Variants in ACSS3 observed in about 807,000 individuals in gnomAD.
ACSS3 encodes the protein acyl-CoA synthetase short chain family member 3.
A neutral mutation model predicts 84.2 loss-of-function variants in ACSS3; 64 were observed. That is an observed-to-expected ratio of 0.76 (90% CI 0.62 to 0.94). The LOEUF (loss-of-function observed/expected upper bound fraction) is 0.94. Ranked by LOEUF, ACSS3 falls within the 40% of genes least tolerant of loss-of-function variation. The pLI, the probability that ACSS3 is intolerant of heterozygous loss-of-function variation, is 0.00. For synonymous variants in ACSS3, 317 were observed against 310.1 expected, an observed-to-expected ratio of 1.02 and a Z score of -0.23; for missense variants, 815 against 867.6, an observed-to-expected ratio of 0.94 and a Z score of 0.76.
In ACSS3 at chr12:81,232,555, GCT is replaced by G. The variant is rs2033501566; in HGVS notation, c.1597-792_1597-791del. On this transcript the variant is annotated intron_variant, in intron 12 of 15. Transcript: ENST00000548058. Reference sequence around the variant, plus strand: ...ATTAATTGCAGTAAAATTATTGAGAGCTCAGGATGTGCCAGAGTCTGTCCTCT... The same window carrying G: ...ATTAATTGCAGTAAAATTATTGAGAGCAGGATGTGCCAGAGTCTGTCCTCT... Among the ~76,000 whole-genome samples the G allele has an allele frequency of 2.0e-5, 3 of 151,748 alleles. No homozygotes were observed. In the South Asian group the frequency reaches 6.2e-4, roughly 32 times the overall value.
intron 7 of ACSS3, among the ~76,000 whole-genome samples, chr12:81,164,831 C>T (rs564665801): frequency 1.1e-4 from 16 of 152,090 alleles, no homozygotes; most frequent in Admixed American, 2.0e-4. Flanking sequence ...TTTTCAAGGA[C>T]AGGGATTTGC....
At chr12:81,187,569 A>G (rs1223655161) in intron 8 of ACSS3, among the ~76,000 whole-genome samples, 1 of 151,872 alleles carries the variant, frequency 6.6e-6, no homozygotes, top group Non-Finnish European at 1.5e-5. Flanking sequence ...TCCAGCTCTC[A>G]TTATTACTAA....
At chr12:81,189,896 A>G (rs2031478396) in intron 8 of ACSS3, among the ~76,000 whole-genome samples, 2 of 152,042 alleles carry the variant, frequency 1.3e-5, no homozygotes, top group Admixed American at 6.6e-5. Flanking sequence ...TTCCTTATGT[A>G]TATCCATTTG....
chr12:81,102,359 C>G (rs1188724726), intron 1 of ACSS3, among the ~76,000 whole-genome samples: 1 of 152,122 alleles, frequency 6.6e-6, no homozygotes, highest in Non-Finnish European at 1.5e-5. Flanking sequence ...TATGGAGAAA[C>G]TCCTCCTATC....
At chr12:81,109,752 T>A in intron 2 of ACSS3, 48 bp downstream of exon 2, 1 of 1,393,104 alleles carries the variant, frequency 7.2e-7, no homozygotes, top group Non-Finnish European at 9.6e-7. Context: ...ATATAGAAAT[T>A]ACTTAAATAG....
chr12:81,116,332 A>G (rs972575501), intron 2 of ACSS3, among the ~76,000 whole-genome samples: 1 of 152,122 alleles, frequency 6.6e-6, no homozygotes, highest in Non-Finnish European at 1.5e-5. Context: ...TGATGAAACA[A>G]CAGTTTAGTA....
intron 8 of ACSS3, among the ~76,000 whole-genome samples, chr12:81,195,673 T>A (rs1342204381): frequency 1.3e-5 from 2 of 152,056 alleles, no homozygotes; most frequent in Non-Finnish European, 2.9e-5. Context: ...TTATCCCCCT[T>A]CCTTGTTCTC....
At chr12:81,245,501 G>A (rs2033955552) in intron 13 of ACSS3, among the ~76,000 whole-genome samples, 1 of 152,084 alleles carries the variant, frequency 6.6e-6, no homozygotes, top group African/African-American at 2.4e-5. Flanking sequence ...AATAAAGGGG[G>A]CTGGAATTGG....
chr12:81,107,511 C>CACATAT (rs1403415163), intron 1 of ACSS3, among the ~76,000 whole-genome samples: 1 of 38,834 alleles, frequency 2.6e-5, no homozygotes, highest in African/African-American at 8.5e-5. Context: ...CAAATATATA[C>CACATAT]ATATATATAT....
At chr12:81,217,856 T>A (rs1365492197) in intron 10 of ACSS3, among the ~76,000 whole-genome samples, 1 of 151,728 alleles carries the variant, frequency 6.6e-6, no homozygotes, top group Non-Finnish European at 1.5e-5. Context: ...AATAAATAAA[T>A]ATAAAAATAA....
chr12:81,181,626 A>G (rs1214874192), intron 8 of ACSS3, among the ~76,000 whole-genome samples: 1 of 152,104 alleles, frequency 6.6e-6, no homozygotes, highest in Non-Finnish European at 1.5e-5. Flanking sequence ...AATAGTATAC[A>G]AATAGAAAAT....
At chr12:81,157,048 A>T (rs1403714494) in intron 7 of ACSS3, among the ~76,000 whole-genome samples, 8 of 152,304 alleles carry the variant, frequency 5.3e-5, no homozygotes, top group African/African-American at 1.9e-4. Flanking sequence ...AAAAAAAAAT[A>T]CTACAAACTA....
intron 1 of ACSS3, among the ~76,000 whole-genome samples, chr12:81,090,908 A>G (rs1056317369): frequency 1.3e-5 from 2 of 152,094 alleles, no homozygotes; most frequent in Admixed American, 6.6e-5. Flanking sequence ...CTTATATAAA[A>G]TAGTGTAATA....
At chr12:81,129,498 A>T (rs1353429969) in intron 2 of ACSS3, among the ~76,000 whole-genome samples, 1 of 152,154 alleles carries the variant, frequency 6.6e-6, no homozygotes, top group East Asian at 1.9e-4. Context: ...CTAGATTTGT[A>T]TGTGAAACCT....
chr12:81,196,556 C>CCATTGGACCATATAATA (rs1449248646), intron 8 of ACSS3, among the ~76,000 whole-genome samples: 1 of 151,940 alleles, frequency 6.6e-6, no homozygotes, highest in Non-Finnish European at 1.5e-5. Flanking sequence ...CATTATATTT[C>CCATTGGACCATATAATA]CATTGGACCA....
At chr12:81,203,416 C>G (rs558725282) in intron 9 of ACSS3, among the ~76,000 whole-genome samples, 6 of 152,278 alleles carry the variant, frequency 3.9e-5, no homozygotes, top group African/African-American at 1.4e-4. Context: ...TTAATTCAGT[C>G]AAGTTGACAC....
intron 13 of ACSS3, 133 bp downstream of exon 13, chr12:81,233,604 A>G (rs747719711): frequency 6.3e-6 from 7 of 1,106,472 alleles, no homozygotes; most frequent in Non-Finnish European, 8.9e-6. Flanking sequence ...TTACTCTTAC[A>G]TCTCTCCCAC....
chr12:81,165,421 G>A (rs758727533), intron 7 of ACSS3, among the ~76,000 whole-genome samples: 4 of 152,178 alleles, frequency 2.6e-5, no homozygotes, highest in South Asian at 2.1e-4. Flanking sequence ...CAAGACAGGC[G>A]GATCACGAGG....
intron 1 of ACSS3, among the ~76,000 whole-genome samples, chr12:81,102,122 C>G (rs543739446): frequency 6.6e-6 from 1 of 151,992 alleles, no homozygotes; most frequent in Non-Finnish European, 1.5e-5. Flanking sequence ...TACACACATG[C>G]ACTCATCTGA....
Sources: gnomAD v4.1 joint callset for allele counts (sites outside exome capture counted in the v4.1 genomes callset) on GRCh38, gnomAD v4.1.1 for gene constraint, MANE v1.5 for transcripts, NCBI Gene and HGNC (gene_info 2026-07-23, HGNC 2026-07-21) for gene names.